The following DNAH14 variants were observed in gnomAD, a reference collection of about 807,000 sequenced individuals.
The protein encoded by DNAH14 is dynein axonemal heavy chain 14.
In DNAH14, 478 loss-of-function variants were observed where a neutral mutation model predicts 520.9. The observed-to-expected ratio is 0.92, with a 90% CI of 0.85 to 0.99. The LOEUF (loss-of-function observed/expected upper bound fraction) is 0.99, where lower values mean the gene tolerates loss of function less well. Among genes scored for constraint, DNAH14 ranks in the 50% least tolerant of loss-of-function variants. DNAH14 has a pLI of 0.00. For missense variants in DNAH14, 4,831 were observed against 5,234.5 expected (o/e 0.92, Z 2.38); for synonymous variants, 1,581 against 1,757.2 (o/e 0.90, Z 2.51).
intron 66 of DNAH14, 25 bp downstream of exon 66, chr1:225,333,531 G>C (rs565240193): frequency 6.6e-7 from 1 of 1,523,806 alleles, no homozygotes; most frequent in East Asian, 2.5e-5. Context: ...CTATTATCCA[G>C]TTAAGTGGCT....
chr1:225,017,888 A>C (rs1167638731), intron 10 of DNAH14, among the ~76,000 whole-genome samples: 1 of 152,244 alleles, frequency 6.6e-6, no homozygotes, highest in Non-Finnish European at 1.5e-5. Context: ...ACTTGAGGGC[A>C]ATAAAGAACA....
chr1:225,290,653 A>ATG (rs1558282451), intron 55 of DNAH14, among the ~76,000 whole-genome samples: 3 of 32,536 alleles, frequency 9.2e-5, no homozygotes, highest in African/African-American at 4.2e-4. Flanking sequence ...GTGTGTATAT[A>ATG]TATATATATA....
intron 11 of DNAH14, among the ~76,000 whole-genome samples, chr1:225,037,450 C>G (rs1482678825): frequency 6.6e-6 from 1 of 152,040 alleles, no homozygotes; most frequent in Non-Finnish European, 1.5e-5. Flanking sequence ...TTATTTTAAC[C>G]TCAGGACAAC....
intron 55 of DNAH14, among the ~76,000 whole-genome samples, chr1:225,294,737 T>C (rs1191878629): frequency 6.6e-6 from 1 of 151,906 alleles, no homozygotes; most frequent in African/African-American, 2.4e-5. Flanking sequence ...GGCAGGAGAA[T>C]TGCTTGAACC....
At chr1:225,016,202 A>G (rs529536653) in intron 10 of DNAH14, among the ~76,000 whole-genome samples, 27 of 152,308 alleles carry the variant, frequency 1.8e-4, no homozygotes, top group African/African-American at 4.3e-4. Context: ...TCCATGTTCA[A>G]TTGAGTTCAG....
At chr1:225,058,836 C>T (rs1353843978) in intron 17 of DNAH14, among the ~76,000 whole-genome samples, 3 of 152,022 alleles carry the variant, frequency 2.0e-5, no homozygotes, top group Admixed American at 6.6e-5. Context: ...TGTGGTTGAG[C>T]GGTTTTGAGT....
At position 225,357,787 on chromosome 1, in the gene DNAH14, T is replaced by C. The variant is rs2095447232; in HGVS notation, c.11620-709T>C. 4 of 702,062 alleles carry C rather than the reference T, an allele frequency of 5.7e-6. No individual in the cohort carries two copies. The South Asian group carries it at 5.9e-5, about 10-fold the overall frequency. The allele number at this position is 702,062 out of a possible 1,614,324, so 43.5% of individuals were successfully genotyped here. ...AAACAGGCACACTGACGTGTGTAGCTTCAGTTTTGCTTTAAATGATGGAGT... is the reference window on the plus strand; with the variant it reads ...AAACAGGCACACTGACGTGTGTAGCCTCAGTTTTGCTTTAAATGATGGAGT... On this transcript the variant is annotated intron_variant, in intron 73 of 85. Coordinates refer to ENST00000682510, the MANE Select transcript of DNAH14 (RefSeq NM_001367479.1).
intron 12 of DNAH14, among the ~76,000 whole-genome samples, chr1:225,042,484 T>G (rs2067567281): frequency 1.3e-5 from 2 of 152,146 alleles, no homozygotes; most frequent in African/African-American, 2.4e-5. Flanking sequence ...CTGTTGAGCT[T>G]GTAGATGATT....
intron 79 of DNAH14, 24 bp downstream of exon 79, chr1:225,377,460 G>C (rs1226896392): frequency 2.6e-6 from 4 of 1,527,130 alleles, no homozygotes; most frequent in Non-Finnish European, 3.5e-6. Flanking sequence ...AGGAAAAATT[G>C]TTGGTCAAAA....
intron 8 of DNAH14, among the ~76,000 whole-genome samples, chr1:224,992,584 A>G (rs1221552605): frequency 1.3e-5 from 2 of 152,082 alleles, no homozygotes; most frequent in Admixed American, 6.6e-5. Context: ...CAACTTTACC[A>G]TATTTGTTTA....
chr1:225,047,246 T>C (rs891809210), intron 15 of DNAH14, among the ~76,000 whole-genome samples: 4 of 152,214 alleles, frequency 2.6e-5, no homozygotes, highest in Admixed American at 2.6e-4. Context: ...CAGGGTTCAT[T>C]CTAGCCTTTT....
At chr1:224,979,063 T>C (rs2062067735) in intron 8 of DNAH14, among the ~76,000 whole-genome samples, 1 of 152,156 alleles carries the variant, frequency 6.6e-6, no homozygotes, top group African/African-American at 2.4e-5. Context: ...ATCACAATTA[T>C]TTGGATTAGG....
chr1:225,172,488 A>T (rs1013241507), intron 36 of DNAH14, among the ~76,000 whole-genome samples: 11 of 152,182 alleles, frequency 7.2e-5, no homozygotes, highest in Non-Finnish European at 1.2e-4. Context: ...CAGAGAGCCA[A>T]ATCATGAGTG....
At chr1:224,980,470 G>A (rs1055142295) in intron 8 of DNAH14, among the ~76,000 whole-genome samples, 2 of 152,204 alleles carry the variant, frequency 1.3e-5, no homozygotes, top group African/African-American at 4.8e-5. Context: ...CGGTAGTATA[G>A]AGTGTCACAT....
chr1:224,984,107 A>G (rs1463376161), intron 8 of DNAH14, among the ~76,000 whole-genome samples: 1 of 152,248 alleles, frequency 6.6e-6, no homozygotes, highest in Middle Eastern at 3.2e-3. Flanking sequence ...CAAAAAGAAC[A>G]AATCTGGAGG....
At chr1:225,069,970 C>T (rs1422362746) in intron 17 of DNAH14, among the ~76,000 whole-genome samples, 1 of 152,050 alleles carries the variant, frequency 6.6e-6, no homozygotes, top group African/African-American at 2.4e-5. Flanking sequence ...TCCATTTCTT[C>T]TAGATTTTCT....
intron 17 of DNAH14, among the ~76,000 whole-genome samples, chr1:225,065,458 C>T (rs1169833980): frequency 1.3e-5 from 2 of 150,788 alleles, no homozygotes; most frequent in African/African-American, 2.4e-5. Context: ...AAACCAACAA[C>T]AACACACAAA....
At chr1:225,187,760 T>TCTGTTC (rs1158675163) in intron 37 of DNAH14, among the ~76,000 whole-genome samples, 1 of 151,924 alleles carries the variant, frequency 6.6e-6, no homozygotes, top group Non-Finnish European at 1.5e-5. Context: ...TGGAGACATG[T>TCTGTTC]CTGTTCATGT....
At chr1:225,195,294 G>C (rs1035669345) in intron 38 of DNAH14, among the ~76,000 whole-genome samples, 1 of 152,128 alleles carries the variant, frequency 6.6e-6, no homozygotes, top group Non-Finnish European at 1.5e-5. Flanking sequence ...TAAAGAAAAT[G>C]TGGTACATAT....
Sources: gnomAD v4.1 joint callset for allele counts (sites outside exome capture counted in the v4.1 genomes callset) on GRCh38, gnomAD v4.1.1 for gene constraint, MANE v1.5 for transcripts, NCBI Gene and HGNC (gene_info 2026-07-23, HGNC 2026-07-21) for gene names.